Variants in MIDEAS observed in about 807,000 individuals in gnomAD.
MIDEAS encodes the protein mitotic deacetylase-associated SANT domain protein.
A neutral mutation model predicts 102.7 loss-of-function variants in MIDEAS; 26 were observed. The observed-to-expected ratio is 0.25, with a 90% CI of 0.19 to 0.35. MIDEAS has a LOEUF of 0.35. Ranked by LOEUF, MIDEAS falls within the 10% of genes least tolerant of loss-of-function variation. The pLI, the probability that MIDEAS is intolerant of heterozygous loss-of-function variation, is 1.00. For synonymous variants in MIDEAS, 585 were observed against 591.0 expected, an observed-to-expected ratio of 0.99 and a Z score of 0.15; for missense variants, 1,231 against 1,435.6, an observed-to-expected ratio of 0.86 and a Z score of 2.30.
At chr14:73,764,099 G>A (rs1164539259), upstream of MIDEAS, among the ~76,000 whole-genome samples, 1 of 152,092 alleles carries the variant, frequency 6.6e-6, no homozygotes, top group East Asian at 1.9e-4. Flanking sequence ...TAGCACTTTG[G>A]GAGGCCAAAG....
chr14:73,729,631 G>A lies in MIDEAS; in HGVS notation c.2095+9C>T, dbSNP rs751956204. ...GCTCCTGCCAGGGTCGCGGAGGGAGGTCACTCACTAGTCCGGAGCAGCGTG... is the reference window on the plus strand; with the variant it reads ...GCTCCTGCCAGGGTCGCGGAGGGAGATCACTCACTAGTCCGGAGCAGCGTG... On this transcript the variant is annotated intron_variant, in intron 4 of 12. Transcript: ENST00000423556. The A allele has an allele frequency of 1.0e-5, 16 of 1,591,612 alleles. No homozygotes were observed. The East Asian group carries it at 3.4e-4, about 34-fold the overall frequency.
chr14:73,730,139 T>C (rs994504119), intron 3 of MIDEAS, 154 bp from the exon 4 acceptor site: 2 of 804,244 alleles, frequency 2.5e-6, no homozygotes, highest in African/African-American at 1.7e-5. Context: ...CCAAAAGCCC[T>C]TTTTATCATC....
intron 1 of MIDEAS, among the ~76,000 whole-genome samples, chr14:73,751,263 C>G (rs2053415140): frequency 6.6e-6 from 1 of 152,220 alleles, no homozygotes; most frequent in African/African-American, 2.4e-5. Context: ...GGACTGGCAC[C>G]TAGGCCTGCC....
Position 73,725,283 on chromosome 14 carries a change from C to G in MIDEAS, c.2563G>C (p.Val855Leu). ...AGAGCCCAGCTCACCAGCTTCTGCA[C>G]CAGGAAGAAATCCTTCTTGTAGATG... Reference protein sequence around the residue: ...IAIYKKDFFLVQKLIQTKTVA... With the variant: ...IAIYKKDFFLLQKLIQTKTVA... The change falls in exon 9 of 13, where the codon GTG becomes CTG. Residue 855 changes from valine to leucine, a missense_variant. Val to Leu is a conservative substitution (Grantham distance 32, BLOSUM62 1). Around this residue, in one of 5 missense-constraint regions of MIDEAS, gnomAD observed 391 missense variants for 483.0 expected, o/e 0.81. Coordinates refer to ENST00000423556, the MANE Select transcript of MIDEAS (RefSeq NM_001367710.1). The surrounding 1 kb of genome is among the most constrained non-coding windows in gnomAD (Gnocchi z 4.1). The G allele has an allele frequency of 6.2e-7, 1 of 1,613,992 alleles. No homozygotes were observed. The highest frequency in any genetic ancestry group is 8.5e-7 in the Non-Finnish European group (1 of 1,179,874).
At chr14:73,721,630 G>T in intron 10 of MIDEAS, 121 bp from the exon 11 acceptor site, 1 of 843,104 alleles carries the variant, frequency 1.2e-6, no homozygotes, top group Non-Finnish European at 1.9e-6. Context: ...GGCTGGCCCA[G>T]CATAGTCTTC....
Position 73,736,986 on chromosome 14 carries a change from C to T in MIDEAS, c.1749+12G>A, listed in dbSNP as rs1566590516. On this transcript the variant is annotated intron_variant, in intron 3 of 12. Coordinates refer to ENST00000423556, the MANE Select transcript of MIDEAS (RefSeq NM_001367710.1). The stretch of plus-strand genomic sequence containing the variant: ...ACGCGCTGGAGGTGTTTAGAAGGGG[C>T]GCCTCTCATACCTGAGCTTGAGCAT... The T allele has an allele frequency of 8.1e-6, 13 of 1,606,136 alleles. No individual in the cohort carries two copies. Among genetic ancestry groups the T allele is most frequent in the East Asian group, 2.2e-5 (1 of 44,730 alleles).
rs1326990021 is a variant in MIDEAS, at chr14:73,739,640, C to T, written c.369G>A (p.Gln123=). 9 of 1,613,798 alleles carry T rather than the reference C, an allele frequency of 5.6e-6. No individual in the cohort carries two copies. In the South Asian group the frequency reaches 6.6e-5, roughly 12 times the overall value. Residue 123 remains glutamine (Q), a synonymous_variant, in exon 2 of 13, where the codon CAG becomes CAA. Coordinates refer to ENST00000423556, the MANE Select transcript of MIDEAS (RefSeq NM_001367710.1). ...AATGGGGTGGAGGCTGGCCTGGCTG[C>T]TGCTGCCAGCTGCTGTCACTGACAC... The part of the protein sequence containing the change: ...GGGVSDSSWQ[Q]QPGQPPPHST...
intron 4 of MIDEAS, among the ~76,000 whole-genome samples, chr14:73,729,400 G>T (rs536899133): frequency 6.6e-6 from 1 of 152,320 alleles, no homozygotes; most frequent in Non-Finnish European, 1.5e-5. Flanking sequence ...GAAGTGACTT[G>T]CAAAAGTGGA....
intron 5 of MIDEAS, 48 bp downstream of exon 5, chr14:73,727,410 C>T (rs1455557821): frequency 1.3e-6 from 2 of 1,584,060 alleles, no homozygotes; most frequent in East Asian, 2.2e-5. Flanking sequence ...ACACACTGCA[C>T]CAGTGTGGCC....
At chr14:73,758,189 T>C (rs904789505) in intron 1 of MIDEAS, among the ~76,000 whole-genome samples, 16 of 152,350 alleles carry the variant, frequency 1.1e-4, no homozygotes, top group African/African-American at 3.8e-4. Context: ...ACGCTCCTAT[T>C]ATTCACTGTC....
At chr14:73,738,034 T>A (rs1238960540) in intron 2 of MIDEAS, among the ~76,000 whole-genome samples, 1 of 151,926 alleles carries the variant, frequency 6.6e-6, no homozygotes, top group Non-Finnish European at 1.5e-5. Context: ...TCCACCCACC[T>A]TGGCCTCCCA....
chr14:73,737,414 A>G, intron 2 of MIDEAS, 117 bp from the exon 3 acceptor site: 1 of 1,192,328 alleles, frequency 8.4e-7, no homozygotes, highest in Non-Finnish European at 1.2e-6. Flanking sequence ...ACTTGACGCC[A>G]CAAGTTCAAG....
In MIDEAS at chr14:73,739,542, G is replaced by A. The variant is rs139089123; in HGVS notation, c.467C>T (p.Pro156Leu). The A allele has an allele frequency of 2.4e-4, 391 of 1,614,008 alleles. No individual in the cohort carries two copies. The highest frequency in any genetic ancestry group is 1.3e-3 in the Middle Eastern group (8 of 6,084). Residue 156 changes from proline to leucine, a missense_variant, in exon 2 of 13, where the codon CCG becomes CTG. By Grantham distance (98) the Pro-to-Leu change is moderately conservative. Coordinates refer to ENST00000423556, the MANE Select transcript of MIDEAS (RefSeq NM_001367710.1). ...TGCCTCAGGGTGGTTATAGTAAGTC[G>A]GGACTCCCACTCCAGGATGCGGGCT... ...KGSPHPGVGV[P>L]TYYNHPEALK...
In MIDEAS at chr14:73,768,394, TAAG is replaced by T. The variant is rs1167940210; in HGVS notation, c.-248+18705_-248+18707del. 3.9e-5 allele frequency among the ~76,000 whole-genome samples: 6 copies of T among 152,068 alleles called. No individual in the cohort carries two copies. In the East Asian group the frequency reaches 1.2e-3, roughly 29 times the overall value. ...ACCTCTCTGGGCCCGTGTTTCCCAATAAGAAGTTTAATAAAATGAGGGATTACA... is the reference window on the plus strand; with the variant it reads ...ACCTCTCTGGGCCCGTGTTTCCCAATAAGTTTAATAAAATGAGGGATTACA... On this transcript the variant is annotated intron_variant, in intron 1 of 11. Coordinates refer to the MIDEAS transcript ENST00000394071.
intron 1 of MIDEAS, among the ~76,000 whole-genome samples, chr14:73,778,367 A>T (rs949762608): frequency 3.3e-5 from 5 of 151,712 alleles, no homozygotes; most frequent in African/African-American, 1.2e-4. Flanking sequence ...TGTCTCAAAA[A>T]AAAAAAAAAC....
intron 1 of MIDEAS, chr14:73,754,885 G>A (rs918052930): frequency 7.2e-5 from 11 of 152,116 alleles, no homozygotes; most frequent in African/African-American, 2.4e-4. Flanking sequence ...GGAAAAGCAG[G>A]GAATCAAAAT....
At position 73,725,973 on chromosome 14, in the gene MIDEAS, C is replaced by G; in HGVS notation, c.2485+60G>C. ...CTGTGACTCAGCACTGAGCAGGGCC[C>G]CATGGATGCTGGAGACCTCTTGAGG... is the stretch of plus-strand genomic sequence containing the variant. On this transcript the variant is annotated intron_variant, in intron 8 of 12. Coordinates refer to ENST00000423556, the MANE Select transcript of MIDEAS (RefSeq NM_001367710.1). This position sits in a 1 kb window ranked among gnomAD's most constrained non-coding sequence, Gnocchi z 4.1. The G allele has an allele frequency of 7.1e-7, 1 of 1,407,858 alleles. No homozygotes were observed. Among genetic ancestry groups the G allele is most frequent in the Non-Finnish European group, 9.9e-7 (1 of 1,014,960 alleles). 87.2% of individuals were successfully genotyped at this position (1,407,858 alleles called of 1,614,324 possible). A position where few individuals can be genotyped will look rare whatever the true frequency, so the allele number is the denominator to read the frequency against.
chr14:73,727,522 T>A lies in MIDEAS; in HGVS notation c.2098A>T (p.Ser700Cys). The A allele has an allele frequency of 6.2e-7, 1 of 1,607,568 alleles. No homozygotes were observed. Among genetic ancestry groups the A allele is most frequent in the Non-Finnish European group, 8.5e-7 (1 of 1,177,152 alleles). Residue 700 changes from serine (S) to cysteine (C), a missense_variant and splice_region_variant, in exon 5 of 13, where the codon AGT becomes TGT. Coordinates refer to ENST00000423556, the MANE Select transcript of MIDEAS (RefSeq NM_001367710.1). ...SAHRTLLRTN[S>C]AEVTPPVLSV... is the part of the protein sequence containing the mutation. ...AGGACAGGCGGGGTTACTTCAGCAC[T>A]GTCTATGGGACAAAGAGCAGGTTGA... is the stretch of plus-strand genomic sequence containing the variant.
chr14:73,777,075 AT>A (rs1389759038), intron 1 of MIDEAS, among the ~76,000 whole-genome samples: 12 of 151,512 alleles, frequency 7.9e-5, no homozygotes, highest in Non-Finnish European at 1.0e-4. Flanking sequence ...CTCAAAAAAA[AT>A]AAATAAATAA....
Sources: allele counts gnomAD v4.1 joint callset (sites outside exome capture counted in the v4.1 genomes callset), GRCh38; gene constraint gnomAD v4.1.1; regional missense constraint gnomAD v4.1.1; non-coding constraint Gnocchi (gnomAD v3.1); transcripts MANE v1.5; gene names NCBI Gene and HGNC (gene_info 2026-07-23, HGNC 2026-07-21).